SNURF: variants seen among roughly 807,000 people sequenced by gnomAD.
SNURF encodes the protein SNURF protein.
A neutral mutation model predicts 11.6 loss-of-function variants in SNURF; 6 were observed. That is an observed-to-expected ratio of 0.52 (90% CI 0.28 to 1.02). SNURF has a LOEUF of 1.02. Among genes scored for constraint, SNURF ranks in the 50% least tolerant of loss-of-function variants. SNURF has a pLI of 0.09. For missense variants in SNURF, 84 were observed against 88.4 expected (o/e 0.95, Z 0.20); for synonymous variants, 29 against 31.6 (o/e 0.92, Z 0.27).
At chr15:24,965,786 T>C (rs1283669017) in intron 2 of SNURF, among the ~76,000 whole-genome samples, 2 of 152,188 alleles carry the variant, frequency 1.3e-5, no homozygotes, top group African/African-American at 4.8e-5. Flanking sequence ...TTCTCAGTCT[T>C]TAATCTTCTA....
rs1219588465 is a variant in SNURF at position 24,965,998 on chromosome 15, T to C, written c.111-1934T>C. On this transcript the variant is annotated intron_variant, in intron 2 of 2. Transcript: ENST00000577949. ...ATTTATTTATTCAGTGATTAGACTA[T>C]GAATTAGAGTATAAAGTAGACTATG... Among the ~76,000 whole-genome samples, 3 of 152,324 alleles carry C rather than the reference T, an allele frequency of 2.0e-5. No individual in the cohort carries two copies. The East Asian group carries it at 5.8e-4, about 29-fold the overall frequency.
chr15:24,978,051 A>C (rs1027999045), downstream of SNURF: 6 of 1,195,130 alleles, frequency 5.0e-6, no homozygotes, highest in African/African-American at 7.6e-5. Context: ...TTAATGAAAG[A>C]CATAGAAGAG....
At chr15:24,962,904 TG>T (rs1052351504) in intron 2 of SNURF, among the ~76,000 whole-genome samples, 28 of 152,240 alleles carry the variant, frequency 1.8e-4, no homozygotes, top group South Asian at 4.1e-4. Flanking sequence ...TAGCTACAAT[TG>T]TTTTTTTTAA....
At chr15:24,962,677 GTATA>G (rs143597132) in intron 2 of SNURF, among the ~76,000 whole-genome samples, 12 of 152,174 alleles carry the variant, frequency 7.9e-5, no homozygotes, top group African/African-American at 2.9e-4. Context: ...TATGTGGAAT[GTATA>G]TATAGGATGT....
downstream of SNURF, among the ~76,000 whole-genome samples, chr15:24,970,493 T>A (rs1290118908): frequency 6.6e-6 from 1 of 152,036 alleles, no homozygotes; most frequent in Non-Finnish European, 1.5e-5. Context: ...GCAGGAGAAT[T>A]TCTTGAACCC....
chr15:24,972,676 T>A (rs2076574660), downstream of SNURF, among the ~76,000 whole-genome samples: 1 of 151,978 alleles, frequency 6.6e-6, no homozygotes, highest in South Asian at 2.1e-4. Flanking sequence ...TTAATTAGTA[T>A]GATAAGCACT....
intron 3 of SNURF, chr15:24,974,478 AG>A (rs1309961258): frequency 6.2e-7 from 1 of 1,612,548 alleles, no homozygotes; most frequent in Non-Finnish European, 8.5e-7. Flanking sequence ...GATAAGGCTG[AG>A]GGTTGAAATG....
chr15:24,977,494 G>C (rs1335263861), intron 6 of SNURF, among the ~76,000 whole-genome samples: 2 of 152,078 alleles, frequency 1.3e-5, no homozygotes, highest in East Asian at 3.9e-4. Flanking sequence ...ACAAAAATCA[G>C]CTGTGTGTGG....
In SNURF at chr15:24,958,094, A is replaced by G. The variant is rs73354189; in HGVS notation, c.14+3032A>G. On this transcript the variant is annotated intron_variant, in intron 1 of 2. Coordinates refer to ENST00000577949, the Ensembl canonical transcript of SNURF. ...ACAGACCTTGCCTTATCTTGATTTC[A>G]CTATTCTATCTGACCAGTGTGTCAT... Among the ~76,000 whole-genome samples, 412 of 152,210 alleles carry G rather than the reference A, an allele frequency of 2.7e-3. 1 individual carries two copies. Among genetic ancestry groups the G allele is most frequent in the African/African-American group, 9.4e-3 (392 of 41,532 alleles).
rs1395431189 is a variant in SNURF at position 24,955,173 on chromosome 15, G to A, written c.14+111G>A. ...GGAGTACTGAATAAACGGAATTTGG[G>A]CCCTAAAGTCCTTTGTTCTGGAGAA... On this transcript the variant is annotated intron_variant, in intron 1 of 2. Coordinates refer to ENST00000577949, the Ensembl canonical transcript of SNURF. 3.5e-6 allele frequency: 5 copies of A among 1,440,668 alleles called. No individual in the cohort carries two copies. In the East Asian group the frequency reaches 9.4e-5, roughly 27 times the overall value. The allele number at this position is 1,440,668 out of a possible 1,614,324, so 89.2% of individuals were successfully genotyped here.
chr15:24,963,464 A>T (rs2075154796), intron 2 of SNURF, among the ~76,000 whole-genome samples: 1 of 151,574 alleles, frequency 6.6e-6, no homozygotes, highest in Non-Finnish European at 1.5e-5. Context: ...AAAATACAAA[A>T]ATTAACCGAG....
chr15:24,975,874 G>A (rs929109428), intron 4 of SNURF, among the ~76,000 whole-genome samples: 1 of 152,116 alleles, frequency 6.6e-6, no homozygotes, highest in African/African-American at 2.4e-5. Flanking sequence ...CATGGTTGAG[G>A]AGTTGGGATA....
At chr15:24,972,728 T>C (rs1596319901), downstream of SNURF, among the ~76,000 whole-genome samples, 1 of 152,260 alleles carries the variant, frequency 6.6e-6, no homozygotes, top group African/African-American at 2.4e-5. Context: ...GTTGCCATAT[T>C]TAATAGCATT....
At chr15:24,964,830 G>A (rs1419678211) in intron 2 of SNURF, among the ~76,000 whole-genome samples, 1 of 152,134 alleles carries the variant, frequency 6.6e-6, no homozygotes, top group East Asian at 1.9e-4. Context: ...TCATCTTGTT[G>A]TGGGATGACG....
In SNURF at chr15:24,974,804, C is replaced by T. The variant is rs142305213; in HGVS notation, c.*46-554C>T. ...AGGCTCCTGACCTCTGGTGATCCACCCACCTCGGCCTCCCAAAGTGCTGGG... is the reference window on the plus strand; with the variant it reads ...AGGCTCCTGACCTCTGGTGATCCACTCACCTCGGCCTCCCAAAGTGCTGGG... On this transcript the variant is annotated intron_variant and NMD_transcript_variant, in intron 3 of 6. Coordinates refer to the SNURF transcript ENST00000580062. 3,198 of 642,848 alleles carry T rather than the reference C, an allele frequency of 5.0e-3. 72 individuals carry two copies. In the African/African-American group the frequency reaches 0.052, roughly 10 times the overall value. The allele number at this position is 642,848 out of a possible 1,614,324, so 39.8% of individuals were successfully genotyped here.
chr15:24,962,226 T>C lies in SNURF; in HGVS notation c.110+17T>C. ...CAACCAAGAGTGAGTACAGACTGTG[T>C]TGGGAACAAATGCAAGTCAGAATCT... On this transcript the variant is annotated intron_variant, in intron 2 of 2. Coordinates refer to ENST00000577949, the Ensembl canonical transcript of SNURF. The C allele has an allele frequency of 6.2e-7, 1 of 1,605,272 alleles. No homozygotes were observed. Among genetic ancestry groups the C allele is most frequent in the Non-Finnish European group, 8.5e-7 (1 of 1,172,070 alleles).
chr15:24,958,602 C>G (rs1002822746), intron 1 of SNURF: 1 of 148,396 alleles, frequency 6.7e-6, no homozygotes. Context: ...TCCTCAGTCT[C>G]TCTCTGGCCA....
At chr15:24,978,590 G>A (rs2077323955), downstream of SNURF, 2 of 770,808 alleles carry the variant, frequency 2.6e-6, no homozygotes, top group Non-Finnish European at 4.4e-6. Flanking sequence ...GTGAGGTACT[G>A]TTGTATATAT....
At chr15:24,961,732 A>G (rs2074858493) in intron 1 of SNURF, among the ~76,000 whole-genome samples, 1 of 152,138 alleles carries the variant, frequency 6.6e-6, no homozygotes, top group East Asian at 1.9e-4. Context: ...TATTTTTTGA[A>G]ACCATTTTGG....
Sources: allele counts gnomAD v4.1 joint callset (sites outside exome capture counted in the v4.1 genomes callset), GRCh38; gene constraint gnomAD v4.1.1; transcripts MANE v1.5; gene names NCBI Gene and HGNC (gene_info 2026-07-23, HGNC 2026-07-21).